Variants in ZFP82 observed in about 807,000 individuals in gnomAD.
ZFP82 encodes zinc finger protein 82 homolog.
ZFP82 carries 30 observed loss-of-function variants against 54.0 expected under a neutral mutation model. The ratio of observed to expected loss-of-function variants is 0.56; its 90% CI spans 0.42 to 0.75. The LOEUF (loss-of-function observed/expected upper bound fraction) is 0.75. ZFP82 is among the 30% of genes least tolerant of loss of function. The pLI is 0.00. For synonymous variants in ZFP82, 194 were observed against 209.5 expected (o/e 0.93, Z 0.64); for missense variants, 500 against 636.8 (o/e 0.79, Z 2.31).
rs147693272 is a variant in ZFP82 at position 36,404,474 on chromosome 19, G to A, written c.229+1106C>T. On this transcript the variant is annotated intron_variant, in intron 4 of 4. Transcript: ENST00000392161. ...AGTCCACAGCTTCTTCTTGATAAAC[G>A]ACTTCCAGCCTTGGACTGGTTTTGA... is the stretch of plus-strand genomic sequence containing the variant. 1.3e-3 allele frequency among the ~76,000 whole-genome samples: 200 copies of A among 152,254 alleles called. No individual in the cohort carries two copies. The East Asian group carries it at 0.016, about 12-fold the overall frequency.
chr19:36,417,072 CAAAAAAAAA>C (rs140495874), intron 1 of ZFP82, among the ~76,000 whole-genome samples: 17 of 65,646 alleles, frequency 2.6e-4, no homozygotes, highest in African/African-American at 3.6e-4. Context: ...GACCCTGTCT[CAAAAAAAAA>C]AAAAAAAAAA....
At chr19:36,396,761 AG>A (rs1320319453) in intron 4 of ZFP82, among the ~76,000 whole-genome samples, 1 of 151,880 alleles carries the variant, frequency 6.6e-6, no homozygotes, top group Non-Finnish European at 1.5e-5. Flanking sequence ...GAAGTGCTTG[AG>A]CCCAGGAGGT....
chr19:36,416,597 A>C (rs944744214), intron 1 of ZFP82, among the ~76,000 whole-genome samples: 1 of 151,668 alleles, frequency 6.6e-6, no homozygotes, highest in Non-Finnish European at 1.5e-5. Context: ...TCTCTACTAA[A>C]AATACAAGAT....
rs1460828095 is a variant in ZFP82, at chr19:36,390,834, T to C, written c.*1907A>G. The C allele has an allele frequency of 1.3e-5, 2 of 152,282 alleles. No individual in the cohort carries two copies. The highest frequency in any genetic ancestry group is 2.9e-5 in the Non-Finnish European group (2 of 68,088). 9.4% of individuals were successfully genotyped at this position (152,282 alleles called of 1,614,324 possible). A position where few individuals can be genotyped will look rare whatever the true frequency, so the allele number is the denominator to read the frequency against. ...CCCAGGCTGGAGTGCAGTGGCGCGA[T>C]CTCGGCTCACTGCAAGCTCCGCCTC... On this transcript the variant is annotated 3_prime_UTR_variant, in exon 5 of 5. Transcript: ENST00000392161.
rs531833647 is a variant in ZFP82 at position 36,390,432 on chromosome 19, G to C, written c.*2309C>G. The C allele has an allele frequency of 2.3e-5, 3 of 131,856 alleles. No individual in the cohort carries two copies. The highest frequency in any genetic ancestry group is 4.8e-5 in the Non-Finnish European group (3 of 62,372). 8.2% of individuals were successfully genotyped at this position (131,856 alleles called of 1,614,324 possible). A position where few individuals can be genotyped will look rare whatever the true frequency, so the allele number is the denominator to read the frequency against. ...ATTTGGTTGTTTGCTTCTTTGTGTTGTTAATTTGTTCTTTTATTCCCCATG... is the reference window on the plus strand; with the variant it reads ...ATTTGGTTGTTTGCTTCTTTGTGTTCTTAATTTGTTCTTTTATTCCCCATG... On this transcript the variant is annotated 3_prime_UTR_variant, in exon 5 of 5. Transcript: ENST00000392161.
In ZFP82 at chr19:36,389,582, T is replaced by C. The variant is rs2967515; in HGVS notation, c.*3159A>G. On this transcript the variant is annotated 3_prime_UTR_variant, in exon 5 of 5. Transcript: ENST00000392161. ...TGAATCTCTAACACTTAAGGACTCATACACATATACCCATAATGCCATAGT... is the reference window on the plus strand; with the variant it reads ...TGAATCTCTAACACTTAAGGACTCACACACATATACCCATAATGCCATAGT... 0.68 allele frequency among the ~76,000 whole-genome samples: 103,378 copies of C among 152,088 alleles called. 35,419 individuals are homozygous for C. The highest frequency in any genetic ancestry group is 0.76 in the African/African-American group (31,473 of 41,484).
chr19:36,385,291 T>C (rs2032103155), downstream of ZFP82, among the ~76,000 whole-genome samples: 2 of 152,172 alleles, frequency 1.3e-5, no homozygotes, highest in Admixed American at 1.3e-4. Flanking sequence ...AGGCCACTCA[T>C]AAGATGTCAG....
rs1369002480 is a variant in ZFP82, at chr19:36,390,240, AT to A, written c.*2500del. Reference sequence around the variant, plus strand: ...ATTGATTAAAACAAATCCCAAGCGCATTTTAACACAAGGATCCTAAAATGCT... The same window carrying A: ...ATTGATTAAAACAAATCCCAAGCGCATTTAACACAAGGATCCTAAAATGCT... On this transcript the variant is annotated 3_prime_UTR_variant, in exon 5 of 5. Transcript: ENST00000392161. The A allele has an allele frequency of 6.6e-6, 1 of 151,306 alleles. No individual in the cohort carries two copies. Among genetic ancestry groups the A allele is most frequent in the Admixed American group, 6.6e-5 (1 of 15,120 alleles). 9.4% of individuals were successfully genotyped at this position (151,306 alleles called of 1,614,324 possible). A position where few individuals can be genotyped will look rare whatever the true frequency, so the allele number is the denominator to read the frequency against.
chr19:36,394,101 G>T lies in ZFP82; in HGVS notation c.239C>A (p.Thr80Asn), dbSNP rs1451031819. The T allele has an allele frequency of 1.2e-6, 2 of 1,602,082 alleles. No individual in the cohort carries two copies. Among genetic ancestry groups the T allele is most frequent in the Non-Finnish European group, 8.5e-7 (1 of 1,177,340 alleles). Residue 80 changes from threonine (T) to asparagine (N), a missense_variant, in exon 5 of 5, where the codon ACC becomes AAC. Coordinates refer to ENST00000392161, the MANE Select transcript of ZFP82 (RefSeq NM_133466.4). ...AGATAACTTCTTGGTCTCATACTTG[G>T]TCTCCAAATCTAAAATAAAACAAGA... ...KGRRQYPDLETKYETKKLSLE... is the reference protein window; with the variant it reads ...KGRRQYPDLENKYETKKLSLE...
rs2032195561 is a variant in ZFP82 at position 36,391,306 on chromosome 19, G to A, written c.*1435C>T. On this transcript the variant is annotated 3_prime_UTR_variant, in exon 5 of 5. Coordinates refer to ENST00000392161, the MANE Select transcript of ZFP82 (RefSeq NM_133466.4). Reference sequence around the variant, plus strand: ...AAGGACACAGGAGCCAATTTGAGGGGATTGCCTCAAAATGCTAAATTGACA... The same window carrying A: ...AAGGACACAGGAGCCAATTTGAGGGAATTGCCTCAAAATGCTAAATTGACA... 1 of 151,696 alleles carries A rather than the reference G, an allele frequency of 6.6e-6. No homozygotes were observed. The highest frequency in any genetic ancestry group is 6.6e-5 in the Admixed American group (1 of 15,250). The allele number at this position is 151,696 out of a possible 1,614,324, so 9.4% of individuals were successfully genotyped here.
At chr19:36,411,118 A>T (rs896442835) in intron 1 of ZFP82, among the ~76,000 whole-genome samples, 3 of 151,122 alleles carry the variant, frequency 2.0e-5, no homozygotes, top group Non-Finnish European at 4.4e-5. Context: ...GCTTGGACCT[A>T]GGGGGGCGGA....
downstream of ZFP82, among the ~76,000 whole-genome samples, chr19:36,388,244 T>C (rs189898409): frequency 6.6e-6 from 1 of 152,322 alleles, no homozygotes; most frequent in East Asian, 1.9e-4. Flanking sequence ...TTTGCGAATG[T>C]TTGCATATAT....
chr19:36,409,652 C>G (rs924007083), intron 2 of ZFP82, 129 bp downstream of exon 2: 14 of 925,884 alleles, frequency 1.5e-5, no homozygotes, highest in Non-Finnish European at 2.4e-5. Flanking sequence ...GTGGTTCACC[C>G]GCCACTGGAT....
chr19:36,399,051 T>C (rs1005325697), intron 4 of ZFP82, among the ~76,000 whole-genome samples: 2 of 152,078 alleles, frequency 1.3e-5, no homozygotes, highest in Non-Finnish European at 2.9e-5. Context: ...AAGGTTTAAA[T>C]ATTATAAATG....
chr19:36,388,210 T>C (rs994124127), downstream of ZFP82, among the ~76,000 whole-genome samples: 11 of 152,086 alleles, frequency 7.2e-5, no homozygotes, highest in East Asian at 5.8e-4. Flanking sequence ...TAATTGACTA[T>C]TGAGTTCAAT....
At chr19:36,384,971 T>C (rs1384726502), downstream of ZFP82, among the ~76,000 whole-genome samples, 1 of 152,178 alleles carries the variant, frequency 6.6e-6, no homozygotes, top group Non-Finnish European at 1.5e-5. Context: ...TGGTTAAAAA[T>C]AAAGAGTTGT....
Position 36,392,566 on chromosome 19 carries a change from T to C in ZFP82, c.*175A>G, listed in dbSNP as rs1439537071. The C allele has an allele frequency of 1.4e-5, 8 of 569,670 alleles. No individual in the cohort carries two copies. Among genetic ancestry groups the C allele is most frequent in the Non-Finnish European group, 2.1e-5 (7 of 340,860 alleles). 35.3% of individuals were successfully genotyped at this position (569,670 alleles called of 1,614,324 possible). A position where few individuals can be genotyped will look rare whatever the true frequency, so the allele number is the denominator to read the frequency against. On this transcript the variant is annotated 3_prime_UTR_variant, in exon 5 of 5. Coordinates refer to ENST00000392161, the MANE Select transcript of ZFP82 (RefSeq NM_133466.4). Reference sequence around the variant, plus strand: ...TTTCATTCTTATAACAGGATTAGTTTTTAGAACAAATATGCTGAAGTTTCA... The same window carrying C: ...TTTCATTCTTATAACAGGATTAGTTCTTAGAACAAATATGCTGAAGTTTCA...
chr19:36,415,844 CT>C (rs1487319194), intron 1 of ZFP82, among the ~76,000 whole-genome samples: 1 of 152,246 alleles, frequency 6.6e-6, no homozygotes, highest in East Asian at 1.9e-4. Context: ...CCCATCAGTT[CT>C]TTAACTGTTC....
downstream of ZFP82, among the ~76,000 whole-genome samples, chr19:36,387,479 T>C (rs1265076425): frequency 1.3e-5 from 2 of 152,166 alleles, no homozygotes; most frequent in East Asian, 3.9e-4. Flanking sequence ...CCTCTCTCTC[T>C]CTTATCCTCT....
Sources: gnomAD v4.1 joint callset for allele counts (sites outside exome capture counted in the v4.1 genomes callset) on GRCh38, gnomAD v4.1.1 for gene constraint, MANE v1.5 for transcripts, NCBI Gene and HGNC (gene_info 2026-07-23, HGNC 2026-07-21) for gene names.